PKHD1: variants seen among roughly 807,000 people sequenced by gnomAD.
PKHD1 encodes PKHD1 ciliary IPT domain containing fibrocystin/polyductin.
A neutral mutation model predicts 412.0 loss-of-function variants in PKHD1; 291 were observed. The observed-to-expected ratio is 0.71, with a 90% CI of 0.64 to 0.78. The LOEUF (loss-of-function observed/expected upper bound fraction) is 0.78. Among genes scored for constraint, PKHD1 ranks in the 30% least tolerant of loss-of-function variants. The pLI, the probability that PKHD1 is intolerant of heterozygous loss-of-function variation, is 0.00. For missense variants in PKHD1, 4,825 were observed against 4,950.7 expected (o/e 0.97, Z 0.76); for synonymous variants, 1,777 against 1,821.5 (o/e 0.98, Z 0.62).
chr6:51,825,660 C>G (rs1311939042), intron 52 of PKHD1, among the ~76,000 whole-genome samples: 2 of 152,062 alleles, frequency 1.3e-5, no homozygotes, highest in African/African-American at 4.8e-5. Flanking sequence ...ATTAGAACAC[C>G]TCGGCCTCGC....
chr6:51,851,773 AT>A (rs1772295286), intron 49 of PKHD1, among the ~76,000 whole-genome samples: 1 of 151,676 alleles, frequency 6.6e-6, no homozygotes, highest in Non-Finnish European at 1.5e-5. Flanking sequence ...ATCATTTTTT[AT>A]TGTTTCTATT....
intron 43 of PKHD1, among the ~76,000 whole-genome samples, chr6:51,890,289 T>C (rs912317603): frequency 3.3e-5 from 5 of 151,976 alleles, no homozygotes; most frequent in African/African-American, 1.2e-4. Context: ...GAAATGAAGG[T>C]AGGACCCAAA....
At chr6:51,660,528 C>T (rs1371946679) in intron 60 of PKHD1, among the ~76,000 whole-genome samples, 1 of 152,116 alleles carries the variant, frequency 6.6e-6, no homozygotes, top group African/African-American at 2.4e-5. Flanking sequence ...ATTGCAAGTC[C>T]TAGGCTGTGA....
intron 35 of PKHD1, among the ~76,000 whole-genome samples, chr6:51,976,968 G>GA (rs1794543228): frequency 8.9e-6 from 1 of 111,878 alleles, no homozygotes; most frequent in Admixed American, 8.2e-5. Flanking sequence ...AAAAAAACCT[G>GA]AAAAAAGATG....
intron 36 of PKHD1, among the ~76,000 whole-genome samples, chr6:51,953,593 T>TAA (rs5876246): frequency 4.9e-5 from 7 of 143,432 alleles, no homozygotes; most frequent in Non-Finnish European, 7.7e-5. Context: ...TCCCTGGGAT[T>TAA]AAAAAAAAAA....
At chr6:51,772,382 T>C (rs1258060657) in intron 55 of PKHD1, among the ~76,000 whole-genome samples, 1 of 151,988 alleles carries the variant, frequency 6.6e-6, no homozygotes, top group Admixed American at 6.6e-5. Context: ...TTAGACATAG[T>C]ATTCTTACCT....
intron 29 of PKHD1, among the ~76,000 whole-genome samples, chr6:52,031,768 T>A (rs1203226433): frequency 1.3e-5 from 2 of 152,218 alleles, no homozygotes; most frequent in African/African-American, 4.8e-5. Context: ...CCCAAAAGGC[T>A]ACGACACTTC....
At chr6:51,755,000 T>C (rs1786724481) in intron 55 of PKHD1, 62 bp from the exon 56 acceptor site, 1 of 1,405,422 alleles carries the variant, frequency 7.1e-7, no homozygotes, top group Non-Finnish European at 1.0e-6. Flanking sequence ...ATCTATTAAC[T>C]CCAGAGCAAG....
chr6:52,078,255 C>T (rs1811587582), intron 5 of PKHD1, among the ~76,000 whole-genome samples: 1 of 152,080 alleles, frequency 6.6e-6, no homozygotes. Flanking sequence ...GAGAAACAGG[C>T]CCCTGGTCAC....
At chr6:51,785,603 T>G (rs73428035) in intron 53 of PKHD1, among the ~76,000 whole-genome samples, 1,580 of 152,344 alleles carry the variant, frequency 0.01, 26 homozygotes, top group African/African-American at 0.036. Context: ...CCATTTCCAC[T>G]GTATCTCATA....
In PKHD1 at chr6:51,753,195, A is replaced by C. The variant is rs763787393; in HGVS notation, c.8950+6T>G. On this transcript the variant is annotated splice_donor_region_variant and intron_variant, in intron 57 of 66. Coordinates refer to ENST00000371117, the MANE Select transcript of PKHD1 (RefSeq NM_138694.4). The stretch of plus-strand genomic sequence containing the variant: ...GTAATGGCCAATTACTTAAAATTTC[A>C]TTTACCTGAAAATTCTTCTCGGCTG... 6.2e-7 allele frequency: 1 copy of C among 1,613,254 alleles called. No homozygotes were observed. Among genetic ancestry groups the C allele is most frequent in the Non-Finnish European group, 8.5e-7 (1 of 1,179,324 alleles).
chr6:51,711,126 T>C (rs887680620), intron 60 of PKHD1, among the ~76,000 whole-genome samples: 1 of 152,110 alleles, frequency 6.6e-6, no homozygotes, highest in Non-Finnish European at 1.5e-5. Flanking sequence ...CCAAGAAGTG[T>C]TGGTGTTGGG....
intron 43 of PKHD1, among the ~76,000 whole-genome samples, chr6:51,892,570 TGGTCTA>T (rs1211452666): frequency 6.6e-6 from 1 of 152,172 alleles, no homozygotes; most frequent in Non-Finnish European, 1.5e-5. Flanking sequence ...TGAGAAACCT[TGGTCTA>T]TAGTCTACAC....
In PKHD1 at chr6:52,062,537, T is replaced by C. The variant is rs759184177; in HGVS notation, c.1100A>G (p.Gln367Arg). 1.2e-6 allele frequency: 2 copies of C among 1,614,140 alleles called. No individual in the cohort carries two copies. The highest frequency in any genetic ancestry group is 2.2e-5 in the East Asian group (1 of 44,882). ...AACATACCTGAAAGGTTGTCCTTCCTGTGACCAAAACCCAAATGGAGAACT... is the reference window on the plus strand; with the variant it reads ...AACATACCTGAAAGGTTGTCCTTCCCGTGACCAAAACCCAAATGGAGAACT... Reference protein sequence around the residue: ...NASSPFGFWSQEGQPFRARLS... With the variant: ...NASSPFGFWSREGQPFRARLS... Residue 367 changes from glutamine (Q) to arginine (R), a missense_variant, in exon 14 of 67, where the codon CAG becomes CGG. Coordinates refer to ENST00000371117, the MANE Select transcript of PKHD1 (RefSeq NM_138694.4).
At chr6:52,072,002 T>TC (rs1353571319) in intron 8 of PKHD1, 113 bp downstream of exon 8, 9 of 747,114 alleles carry the variant, frequency 1.2e-5, no homozygotes, top group Non-Finnish European at 2.2e-5. Flanking sequence ...ATTTATATTT[T>TC]AAAAAAACAG....
At chr6:51,973,782 C>T (rs1283038002) in intron 35 of PKHD1, among the ~76,000 whole-genome samples, 1 of 152,204 alleles carries the variant, frequency 6.6e-6, no homozygotes, top group Non-Finnish European at 1.5e-5. Context: ...ATTTATGTGG[C>T]TCTGTTTTGC....
chr6:51,744,330 T>C, intron 60 of PKHD1, 55 bp downstream of exon 60: 3 of 1,497,610 alleles, frequency 2.0e-6, no homozygotes, highest in Non-Finnish European at 2.8e-6. Flanking sequence ...CAAAACCAGC[T>C]CCTTCACAAG....
At chr6:51,955,722 A>G (rs2127919420) in intron 36 of PKHD1, among the ~76,000 whole-genome samples, 1 of 152,188 alleles carries the variant, frequency 6.6e-6, no homozygotes, top group Non-Finnish European at 1.5e-5. Context: ...TATATACTTC[A>G]TGTAGAATGT....
chr6:51,828,253 C>A (rs1338334504), intron 52 of PKHD1, among the ~76,000 whole-genome samples: 1 of 151,946 alleles, frequency 6.6e-6, no homozygotes, highest in East Asian at 1.9e-4. Flanking sequence ...TGATTTCCTG[C>A]AAAGCTTCTT....
Sources: allele counts gnomAD v4.1 joint callset (sites outside exome capture counted in the v4.1 genomes callset), GRCh38; gene constraint gnomAD v4.1.1; transcripts MANE v1.5; gene names NCBI Gene and HGNC (gene_info 2026-07-23, HGNC 2026-07-21).